Variants in SACS observed in about 807,000 individuals in gnomAD.
The protein encoded by SACS is sacsin.
A neutral mutation model predicts 348.0 loss-of-function variants in SACS; 197 were observed. The observed-to-expected ratio is 0.57, with a 90% CI of 0.50 to 0.64. SACS has a LOEUF of 0.64. SACS is among the 30% of genes least tolerant of loss of function. SACS has a pLI of 0.00. For synonymous variants in SACS, 1,985 were observed against 1,910.6 expected, an observed-to-expected ratio of 1.04 and a Z score of -1.02; for missense variants, 4,999 against 5,360.8, an observed-to-expected ratio of 0.93 and a Z score of 2.11.
At chr13:23,422,677 G>A (rs1200474592) in intron 1 of SACS, among the ~76,000 whole-genome samples, 1 of 122,192 alleles carries the variant, frequency 8.2e-6, no homozygotes, top group Non-Finnish European at 1.7e-5. Context: ...TTTTTTTTTT[G>A]AGACGGAGTC....
chr13:23,343,995 G>C (rs1463271224), intron 9 of SACS, among the ~76,000 whole-genome samples: 1 of 152,174 alleles, frequency 6.6e-6, no homozygotes, highest in Admixed American at 6.5e-5. Context: ...TTACGATAAT[G>C]CAAGCAGCAA....
At chr13:23,401,787 G>A (rs1421499359) in intron 2 of SACS, among the ~76,000 whole-genome samples, 1 of 152,150 alleles carries the variant, frequency 6.6e-6, no homozygotes, top group Non-Finnish European at 1.5e-5. Context: ...CACCAAAAAG[G>A]GACTGTCTCA....
At chr13:23,356,050 G>A in intron 7 of SACS, 43 bp from the exon 8 acceptor site, 1 of 1,499,856 alleles carries the variant, frequency 6.7e-7, no homozygotes, top group Non-Finnish European at 9.2e-7. Context: ...TGAAATTTTA[G>A]GGACAATTAT....
intron 9 of SACS, among the ~76,000 whole-genome samples, chr13:23,347,972 T>C (rs960901537): frequency 1.3e-5 from 2 of 152,224 alleles, no homozygotes; most frequent in African/African-American, 4.8e-5. Flanking sequence ...TAGGAAAGGT[T>C]ACGGATTTTG....
chr13:23,333,538 C>T lies in SACS; in HGVS notation c.10338G>A (p.Gln3446=), dbSNP rs2737701. ...CTTCAAGAAATGCAGATGATGATGA[C>T]TGTGTCCATTTCTCCACTTCAGCTG... ...IPSAEVEKWT[Q]SSSSAFLEEK... The change falls in exon 10 of 10, where the codon CAG becomes CAA. Residue 3446 remains glutamine, a synonymous_variant. Transcript: ENST00000382292. The T allele has an allele frequency of 1, 1,609,550 of 1,613,474 alleles. 802,886 individuals are homozygous for T. The highest frequency in any genetic ancestry group is 1 in the East Asian group (44,848 of 44,848).
chr13:23,362,296 G>A (rs1566084669), intron 6 of SACS, among the ~76,000 whole-genome samples: 1 of 152,088 alleles, frequency 6.6e-6, no homozygotes, highest in Non-Finnish European at 1.5e-5. Context: ...AGTAAAGTGT[G>A]TTATACTGGG....
At chr13:23,429,112 T>C (rs1329552113) in intron 1 of SACS, among the ~76,000 whole-genome samples, 1 of 152,156 alleles carries the variant, frequency 6.6e-6, no homozygotes, top group African/African-American at 2.4e-5. Flanking sequence ...TGTGAATATC[T>C]CAAAGCTGCT....
intron 9 of SACS, among the ~76,000 whole-genome samples, chr13:23,343,183 A>G (rs1869376692): frequency 6.6e-6 from 1 of 152,208 alleles, no homozygotes; most frequent in East Asian, 1.9e-4. Context: ...ACTGATTTTA[A>G]CCACTGGCCT....
chr13:23,396,071 C>A (rs2137911836), intron 2 of SACS, among the ~76,000 whole-genome samples: 1 of 152,182 alleles, frequency 6.6e-6, no homozygotes, highest in East Asian at 1.9e-4. Context: ...TGCCTGTAAT[C>A]CCAGCACTTT....
At position 23,331,637 on chromosome 13, in the gene SACS, C is replaced by A; in HGVS notation, c.12239G>T (p.Gly4080Val). The A allele has an allele frequency of 2.5e-6, 4 of 1,613,920 alleles. No individual in the cohort carries two copies. The highest frequency in any genetic ancestry group is 3.4e-6 in the Non-Finnish European group (4 of 1,179,934). The change falls in exon 10 of 10, where the codon GGT (glycine) becomes GTT (valine). Residue 4080 changes from glycine (G) to valine (V), a missense_variant. Coordinates refer to ENST00000382292, the MANE Select transcript of SACS (RefSeq NM_014363.6). ...AATGTAGAGCAAGATGACTGCATTACCAAATCGCTTCAAAAAAGCAAAAGT... is the reference window on the plus strand; with the variant it reads ...AATGTAGAGCAAGATGACTGCATTAACAAATCGCTTCAAAAAAGCAAAAGT... ...SETFAFLKRF[G>V]NAVILLYIQH...
Position 23,354,536 on chromosome 13 carries a change from G to A in SACS, c.2076C>T (p.Thr692=). 1 of 1,614,078 alleles carries A rather than the reference G, an allele frequency of 6.2e-7. No homozygotes were observed. The highest frequency in any genetic ancestry group is 8.5e-7 in the Non-Finnish European group (1 of 1,179,946). The change falls in exon 8 of 10, where the codon ACC becomes ACT. Residue 692 remains threonine, a synonymous_variant. Transcript: ENST00000382292. Reference sequence around the variant, plus strand: ...ACCCCTACCTTGGATATTCTGCTGAGGTAATATAAATGACATCTTGGTCTG... The same window carrying A: ...ACCCCTACCTTGGATATTCTGCTGAAGTAATATAAATGACATCTTGGTCTG... ...SVSDQDVIYI[T]SAEYPRSLFP...
Position 23,371,083 on chromosome 13 carries a change from C to A in SACS, c.254G>T (p.Gly85Val). 6.3e-7 allele frequency: 1 copy of A among 1,590,436 alleles called. No homozygotes were observed. Among genetic ancestry groups the A allele is most frequent in the Non-Finnish European group, 8.6e-7 (1 of 1,159,194 alleles). Residue 85 changes from glycine to valine, a missense_variant, in exon 4 of 10, where the codon GGG becomes GTG. Coordinates refer to ENST00000382292, the MANE Select transcript of SACS (RefSeq NM_014363.6). ...TGGTAAAGTCAATATTATACCTCCCCCTTTTAAGCCTTTTGATTGAAGGTT... is the reference window on the plus strand; with the variant it reads ...TGGTAAAGTCAATATTATACCTCCCACTTTTAAGCCTTTTGATTGAAGGTT... Reference protein sequence around the residue: ...FVNLQSKGLKGGGRFGQTTPP... With the variant: ...FVNLQSKGLKVGGRFGQTTPP...
At chr13:23,351,781 T>TA (rs1178251020) in intron 9 of SACS, among the ~76,000 whole-genome samples, 1 of 152,138 alleles carries the variant, frequency 6.6e-6, no homozygotes, top group African/African-American at 2.4e-5. Flanking sequence ...CTGGGAGTGC[T>TA]AACCCACACA....
chr13:23,417,587 G>A (rs116616464), intron 1 of SACS, among the ~76,000 whole-genome samples: 2,093 of 152,136 alleles, frequency 0.014, 35 homozygotes, highest in African/African-American at 0.039. Context: ...AAACAAGCAC[G>A]AAAATTTATC....
intron 1 of SACS, among the ~76,000 whole-genome samples, chr13:23,430,933 T>C (rs1397434991): frequency 1.3e-5 from 2 of 152,180 alleles, no homozygotes; most frequent in East Asian, 3.9e-4. Flanking sequence ...TTGAGGGGGA[T>C]ACCATGGTAG....
intron 1 of SACS, among the ~76,000 whole-genome samples, chr13:23,413,407 A>C (rs1873575623): frequency 6.6e-6 from 1 of 152,258 alleles, no homozygotes; most frequent in South Asian, 2.1e-4. Context: ...TTTCAAGTAG[A>C]CAGAACAAGA....
At chr13:23,379,185 C>T (rs996644959) in intron 2 of SACS, among the ~76,000 whole-genome samples, 3 of 152,252 alleles carry the variant, frequency 2.0e-5, no homozygotes, top group African/African-American at 7.2e-5. Flanking sequence ...GCTCTAAACT[C>T]TCTTTCTCAC....
rs267603782 is a variant in SACS, at chr13:23,341,520, G to A, written c.2356C>T (p.Leu786Phe). 5.0e-6 allele frequency: 8 copies of A among 1,613,812 alleles called. No individual in the cohort carries two copies. The highest frequency in any genetic ancestry group is 6.8e-6 in the Non-Finnish European group (8 of 1,179,810). Residue 786 changes from leucine to phenylalanine, a missense_variant, in exon 10 of 10, where the codon CTT becomes TTT. By Grantham distance (22) the Leu-to-Phe change is conservative. This residue lies in a region of SACS where 3,156 missense variants were observed against 3,380.1 expected (regional missense o/e 0.93). Coordinates refer to ENST00000382292, the MANE Select transcript of SACS (RefSeq NM_014363.6). ...VSWLKMVWKN[L>F]YIHFSEDLTL... is the part of the protein sequence containing the mutation. ...AAATCCTCTGAAAAATGTATATAAA[G>A]ATTTTTCCAAACCATCTTAAGCCAT...
intron 2 of SACS, among the ~76,000 whole-genome samples, chr13:23,401,225 C>A (rs1872965170): frequency 6.6e-6 from 1 of 152,164 alleles, no homozygotes; most frequent in Non-Finnish European, 1.5e-5. Flanking sequence ...AAGCTGGGAA[C>A]TGCTTAGGGC....
Sources: gnomAD v4.1 joint callset for allele counts (sites outside exome capture counted in the v4.1 genomes callset) on GRCh38, gnomAD v4.1.1 for gene constraint, gnomAD v4.1.1 regional missense constraint, MANE v1.5 for transcripts, NCBI Gene and HGNC (gene_info 2026-07-23, HGNC 2026-07-21) for gene names.